Variants in EPS15L1 observed in about 807,000 individuals in gnomAD.
The protein encoded by EPS15L1 is epidermal growth factor receptor pathway substrate 15 like 1.
In EPS15L1, 43 loss-of-function variants were observed where a neutral mutation model predicts 117.1. The ratio of observed to expected loss-of-function variants is 0.37; its 90% CI spans 0.29 to 0.47. The LOEUF (loss-of-function observed/expected upper bound fraction) is 0.47, where lower values mean the gene tolerates loss of function less well. Among genes scored for constraint, EPS15L1 ranks in the 20% least tolerant of loss-of-function variants. The pLI, the probability that EPS15L1 is intolerant of heterozygous loss-of-function variation, is 0.99. For missense variants in EPS15L1, 981 were observed against 1,164.0 expected (o/e 0.84, Z 2.29); for synonymous variants, 459 against 470.5 (o/e 0.98, Z 0.32).
In EPS15L1 at chr19:16,406,246, G is replaced by A. The variant is rs760277399; in HGVS notation, c.1267-1497C>T. Among the ~76,000 whole-genome samples the A allele has an allele frequency of 3.1e-4, 47 of 152,168 alleles. 1 individual carries two copies. The highest frequency in any genetic ancestry group is 1.3e-3 in the Admixed American group (20 of 15,282). ...CATGCCTCAGGAAGCTGGGGTCTCC[G>A]TTCCCCAGTCTCCCTGCCCCTGGCC... On this transcript the variant is annotated intron_variant, in intron 13 of 23. Transcript: ENST00000455140.
At chr19:16,393,772 G>C (rs1277864561) in intron 18 of EPS15L1, among the ~76,000 whole-genome samples, 179 bp downstream of exon 18, 2 of 152,070 alleles carry the variant, frequency 1.3e-5, no homozygotes, top group Admixed American at 6.5e-5. Flanking sequence ...ACCTGGGGAG[G>C]GGAGCCACCT....
At chr19:16,441,834 T>C (rs916972102) in intron 3 of EPS15L1, 58 bp downstream of exon 3, 211 of 1,421,178 alleles carry the variant, frequency 1.5e-4, no homozygotes, top group Non-Finnish European at 2.0e-4. Context: ...GGCCCTGACC[T>C]GCGGGGGGAG....
chr19:16,459,215 G>T (rs531252640), intron 1 of EPS15L1, among the ~76,000 whole-genome samples: 10 of 152,184 alleles, frequency 6.6e-5, no homozygotes, highest in Non-Finnish European at 1.0e-4. Context: ...GCTTGGGGCC[G>T]CTGCCTGCTG....
At position 16,381,740 on chromosome 19, in the gene EPS15L1, G is replaced by A. The variant is rs545260686; in HGVS notation, c.2247+3389C>T. Among the ~76,000 whole-genome samples the A allele has an allele frequency of 2.0e-5, 3 of 152,328 alleles. No homozygotes were observed. The highest frequency in any genetic ancestry group is 1.9e-4 in the East Asian group (1 of 5,180). On this transcript the variant is annotated intron_variant, in intron 21 of 23. Transcript: ENST00000455140. The surrounding 1 kb of genome is among the most constrained non-coding windows in gnomAD (Gnocchi z 4.2). ...GCTTTAAAATGGGCCGTTTAGGGTCGGCTGTTTGGGAAAGAATGGGGGAAA... is the reference window on the plus strand; with the variant it reads ...GCTTTAAAATGGGCCGTTTAGGGTCAGCTGTTTGGGAAAGAATGGGGGAAA...
At chr19:16,408,321 C>T (rs2092676212) in intron 13 of EPS15L1, among the ~76,000 whole-genome samples, 2 of 152,088 alleles carry the variant, frequency 1.3e-5, no homozygotes, top group Admixed American at 1.3e-4. Flanking sequence ...AACAGACAAG[C>T]TGATTCCAAA....
intron 22 of EPS15L1, among the ~76,000 whole-genome samples, chr19:16,374,078 G>A (rs546866588): frequency 3.3e-5 from 5 of 152,352 alleles, no homozygotes; most frequent in African/African-American, 1.2e-4. Context: ...GAAGCTCATG[G>A]CTTGGTTCTC....
At position 16,386,660 on chromosome 19, in the gene EPS15L1, G is replaced by A. The variant is rs546347091; in HGVS notation, c.2104-429C>T. Among the ~76,000 whole-genome samples the A allele has an allele frequency of 3.3e-5, 5 of 152,336 alleles. No homozygotes were observed. The South Asian group carries it at 1.0e-3, about 32-fold the overall frequency. On this transcript the variant is annotated intron_variant, in intron 19 of 23. Transcript: ENST00000455140. ...CAGAGACAACCACTCCCAGGGGAAA[G>A]GAAGGGGAATCGGGATGGAGGGGCA...
At chr19:16,468,407 G>A (rs1483180202) in intron 1 of EPS15L1, among the ~76,000 whole-genome samples, 5 of 152,132 alleles carry the variant, frequency 3.3e-5, no homozygotes, top group African/African-American at 7.2e-5. Context: ...GTGCAGTGGC[G>A]CGATCTCAGC....
In EPS15L1 at chr19:16,370,463, C is replaced by T. The variant is rs926981806; in HGVS notation, c.2380+6659G>A. Among the ~76,000 whole-genome samples the T allele has an allele frequency of 3.1e-4, 47 of 152,158 alleles. No individual in the cohort carries two copies. The highest frequency in any genetic ancestry group is 1.0e-3 in the African/African-American group (42 of 41,502). On this transcript the variant is annotated intron_variant, in intron 22 of 23. Coordinates refer to ENST00000455140, the MANE Select transcript of EPS15L1 (RefSeq NM_001258374.3). The surrounding 1 kb of genome is among the most constrained non-coding windows in gnomAD (Gnocchi z 5.2). ...CCGATGTCCCCAGGGCGATGGCTCCCGTCTGTTCACACCTATACTCAGATG... is the reference window on the plus strand; with the variant it reads ...CCGATGTCCCCAGGGCGATGGCTCCTGTCTGTTCACACCTATACTCAGATG...
chr19:16,376,166 G>A (rs558619333), intron 22 of EPS15L1, among the ~76,000 whole-genome samples: 2 of 152,322 alleles, frequency 1.3e-5, no homozygotes, highest in East Asian at 1.9e-4. Flanking sequence ...CTGGGAGTGC[G>A]TGGGTCTCCT....
intron 22 of EPS15L1, among the ~76,000 whole-genome samples, chr19:16,373,734 G>A (rs1376105027): frequency 2.6e-5 from 4 of 152,180 alleles, no homozygotes; most frequent in Non-Finnish European, 5.9e-5. Flanking sequence ...GAGAGCAAGG[G>A]TAGGGCAAGC....
intron 1 of EPS15L1, among the ~76,000 whole-genome samples, chr19:16,465,322 G>A (rs2093294480): frequency 6.6e-6 from 1 of 152,050 alleles, no homozygotes; most frequent in African/African-American, 2.4e-5. Context: ...GGCCGGGCCT[G>A]GACAACTCAA....
chr19:16,427,466 G>A (rs2092883221), intron 8 of EPS15L1, among the ~76,000 whole-genome samples: 1 of 152,144 alleles, frequency 6.6e-6, no homozygotes, highest in East Asian at 1.9e-4. Context: ...TTTCCTTTGA[G>A]TGTCATGTTG....
intron 22 of EPS15L1, among the ~76,000 whole-genome samples, chr19:16,364,666 C>A (rs2092108455): frequency 6.6e-6 from 1 of 152,226 alleles, no homozygotes; most frequent in African/African-American, 2.4e-5. Context: ...TTGCCCCGTT[C>A]CCTCTCCTAA....
intron 23 of EPS15L1, 165 bp downstream of exon 23, chr19:16,361,614 C>G: frequency 7.7e-7 from 1 of 1,306,318 alleles, no homozygotes. Context: ...AACTGTTTTT[C>G]TTACAGAAGT....
intron 20 of EPS15L1, among the ~76,000 whole-genome samples, chr19:16,385,892 AAGG>A (rs1186190153): frequency 1.3e-5 from 2 of 152,360 alleles, no homozygotes; most frequent in African/African-American, 4.8e-5. Context: ...AAAGATTTAT[AAGG>A]AGGAGTGAGT....
intron 20 of EPS15L1, 85 bp downstream of exon 20, chr19:16,386,086 C>T: frequency 9.4e-7 from 1 of 1,065,760 alleles, no homozygotes; most frequent in Non-Finnish European, 1.4e-6. Flanking sequence ...GCCACGCTGG[C>T]TTTGGGAGTG....
chr19:16,465,684 A>G (rs767488360), intron 1 of EPS15L1, among the ~76,000 whole-genome samples: 32 of 152,280 alleles, frequency 2.1e-4, no homozygotes, highest in Non-Finnish European at 4.0e-4. Context: ...CCTGTCTCTA[A>G]AGGAAAAAGG....
At chr19:16,402,550 T>G (rs1001246920) in intron 15 of EPS15L1, 65 bp from the exon 16 acceptor site, 110 of 1,463,274 alleles carry the variant, frequency 7.5e-5, no homozygotes, top group Non-Finnish European at 9.7e-5. Flanking sequence ...AAGACGCTTT[T>G]TTTTTTTAAA....
Sources: gnomAD v4.1 joint callset for allele counts (sites outside exome capture counted in the v4.1 genomes callset) on GRCh38, gnomAD v4.1.1 for gene constraint, Gnocchi (gnomAD v3.1) non-coding constraint, MANE v1.5 for transcripts, NCBI Gene and HGNC (gene_info 2026-07-23, HGNC 2026-07-21) for gene names.